The following TPST1 variants were observed in gnomAD, a reference collection of about 807,000 sequenced individuals.
TPST1 encodes the protein tyrosylprotein sulfotransferase 1, also known as protein-tyrosine sulfotransferase 1.
TPST1 carries 20 observed loss-of-function variants against 34.8 expected under a neutral mutation model. The ratio of observed to expected loss-of-function variants is 0.57; its 90% CI spans 0.40 to 0.84. The LOEUF (loss-of-function observed/expected upper bound fraction) is 0.84. Ranked by LOEUF, TPST1 falls within the 40% of genes least tolerant of loss-of-function variation. TPST1 has a pLI of 0.00. For missense variants in TPST1, 353 were observed against 455.5 expected, an observed-to-expected ratio of 0.78 and a Z score of 2.05; for synonymous variants, 152 against 159.4, an observed-to-expected ratio of 0.95 and a Z score of 0.35.
intron 2 of TPST1, among the ~76,000 whole-genome samples, chr7:66,256,778 C>T (rs2115675786): frequency 6.6e-6 from 1 of 152,252 alleles, no homozygotes; most frequent in East Asian, 1.9e-4. Context: ...TTAGAAGCAG[C>T]CTTCCAGCCT....
intron 5 of TPST1, among the ~76,000 whole-genome samples, chr7:66,358,443 T>C (rs973566345): frequency 6.6e-6 from 1 of 151,798 alleles, no homozygotes; most frequent in South Asian, 2.1e-4. Context: ...AGATGATATA[T>C]ATATAACAGA....
intron 3 of TPST1, among the ~76,000 whole-genome samples, chr7:66,329,606 C>T (rs1370329741): frequency 6.6e-6 from 1 of 152,180 alleles, no homozygotes; most frequent in African/African-American, 2.4e-5. Context: ...ACACTTTGTT[C>T]ATCCCTATGT....
chr7:66,215,346 C>T (rs1336820316), intron 1 of TPST1, among the ~76,000 whole-genome samples: 1 of 150,070 alleles, frequency 6.7e-6, no homozygotes, highest in African/African-American at 2.5e-5. Context: ...GTGTGAGCCA[C>T]CATACCTGAC....
At chr7:66,351,905 A>C (rs1195802400) in intron 3 of TPST1, among the ~76,000 whole-genome samples, 2 of 152,172 alleles carry the variant, frequency 1.3e-5, no homozygotes, top group African/African-American at 4.8e-5. Flanking sequence ...ATTTATCACA[A>C]ATTTATCATA....
chr7:66,339,812 C>A (rs1792196856), intron 3 of TPST1, among the ~76,000 whole-genome samples: 1 of 142,500 alleles, frequency 7.0e-6, no homozygotes. Flanking sequence ...CATAACAAAC[C>A]AGCACATGTA....
At chr7:66,296,546 G>A (rs2116001446) in intron 3 of TPST1, among the ~76,000 whole-genome samples, 1 of 152,166 alleles carries the variant, frequency 6.6e-6, no homozygotes, top group South Asian at 2.1e-4. Context: ...GCTATGATAT[G>A]AGATGGGCCC....
At chr7:66,241,404 G>T in intron 2 of TPST1, 134 bp downstream of exon 2, 1 of 1,047,242 alleles carries the variant, frequency 9.5e-7, no homozygotes. Context: ...GACCTTTTCT[G>T]GAACAGATAC....
chr7:66,262,477 G>T (rs1218929677), intron 2 of TPST1, among the ~76,000 whole-genome samples: 1 of 152,114 alleles, frequency 6.6e-6, no homozygotes, highest in Non-Finnish European at 1.5e-5. Context: ...TTTCATTAAG[G>T]GTCATCTTGT....
intron 3 of TPST1, among the ~76,000 whole-genome samples, chr7:66,299,326 A>T (rs1399018938): frequency 1.4e-5 from 2 of 147,218 alleles, no homozygotes; most frequent in African/African-American, 2.5e-5. Context: ...TAATTTGAAA[A>T]TGTGTTTGTT....
intron 3 of TPST1, among the ~76,000 whole-genome samples, chr7:66,338,247 A>C (rs1371407940): frequency 6.6e-6 from 1 of 152,218 alleles, no homozygotes; most frequent in Non-Finnish European, 1.5e-5. Flanking sequence ...CAAGGCCATT[A>C]TATAACGACA....
chr7:66,323,897 A>G (rs1166058449), intron 3 of TPST1, among the ~76,000 whole-genome samples: 2 of 152,230 alleles, frequency 1.3e-5, no homozygotes, highest in Non-Finnish European at 2.9e-5. Context: ...TTCTGTGTAT[A>G]TATACAAAAG....
chr7:66,256,101 A>T (rs1273921550), intron 2 of TPST1, among the ~76,000 whole-genome samples: 1 of 152,230 alleles, frequency 6.6e-6, no homozygotes, highest in African/African-American at 2.4e-5. Context: ...TAGGAAATGG[A>T]GGAAAATGAT....
At chr7:66,341,070 A>C (rs1792227786) in intron 3 of TPST1, among the ~76,000 whole-genome samples, 1 of 152,170 alleles carries the variant, frequency 6.6e-6, no homozygotes, top group Admixed American at 6.5e-5. Flanking sequence ...CAAAATACCA[A>C]TGACATTTTT....
rs766398555 is a variant in TPST1, at chr7:66,240,373, C to T, written c.-53C>T. The T allele has an allele frequency of 8.9e-6, 14 of 1,569,514 alleles. No individual in the cohort carries two copies. Among genetic ancestry groups the T allele is most frequent in the Middle Eastern group, 1.8e-4 (1 of 5,496 alleles). On this transcript the variant is annotated 5_prime_UTR_variant, in exon 2 of 6. Transcript: ENST00000304842. ...GACTGTCCATGGCCTGAACATTTTC[C>T]GAAAATCATTTTGAGCAAAATATCT...
At chr7:66,318,967 T>C (rs1364610958) in intron 3 of TPST1, among the ~76,000 whole-genome samples, 1 of 152,250 alleles carries the variant, frequency 6.6e-6, no homozygotes, top group Non-Finnish European at 1.5e-5. Context: ...GCGTAGTTGC[T>C]ATTTCTTTGT....
chr7:66,347,059 C>CTTTTTTTT (rs71051352), intron 3 of TPST1, among the ~76,000 whole-genome samples: 3,181 of 60,066 alleles, frequency 0.053, 782 homozygotes, highest in Non-Finnish European at 0.063. Flanking sequence ...CTTTGCTTTT[C>CTTTTTTTT]TTTTTTTTTT....
chr7:66,257,213 G>A (rs1489327363), intron 2 of TPST1, among the ~76,000 whole-genome samples: 2 of 152,170 alleles, frequency 1.3e-5, no homozygotes, highest in African/African-American at 4.8e-5. Flanking sequence ...ACAGGTGTGA[G>A]CCACTGCACC....
At chr7:66,313,976 T>C (rs555645024) in intron 3 of TPST1, among the ~76,000 whole-genome samples, 14 of 152,314 alleles carry the variant, frequency 9.2e-5, no homozygotes, top group African/African-American at 3.4e-4. Flanking sequence ...TCCATGATAC[T>C]GATATTTTTT....
rs57260095 is a variant in TPST1 at position 66,318,450 on chromosome 7, C to T, written c.1044+31741C>T. On this transcript the variant is annotated intron_variant, in intron 3 of 5. Transcript: ENST00000304842. ...TTCTCAGATTGGTTTCCTTTTTTTT[C>T]CCCCAAGTACATTCTTCAGAATTTT... Among the ~76,000 whole-genome samples the T allele has an allele frequency of 1.8e-4, 27 of 151,686 alleles. No individual in the cohort carries two copies. In the South Asian group the frequency reaches 5.4e-3, roughly 30 times the overall value.
Sources: allele counts gnomAD v4.1 joint callset (sites outside exome capture counted in the v4.1 genomes callset), GRCh38; gene constraint gnomAD v4.1.1; transcripts MANE v1.5; gene names NCBI Gene and HGNC (gene_info 2026-07-23, HGNC 2026-07-21).